Variants in GRID2 observed in about 807,000 individuals in gnomAD.
The protein encoded by GRID2 is glutamate receptor ionotropic, delta-2.
A neutral mutation model predicts 114.8 loss-of-function variants in GRID2; 33 were observed. That is an observed-to-expected ratio of 0.29 (90% CI 0.22 to 0.38). The LOEUF (loss-of-function observed/expected upper bound fraction) is 0.38. GRID2 is among the 10% of genes least tolerant of loss of function. The pLI, the probability that GRID2 is intolerant of heterozygous loss-of-function variation, is 1.00. For missense variants in GRID2, 1,184 were observed against 1,257.7 expected (o/e 0.94, Z 0.89); for synonymous variants, 505 against 449.9 (o/e 1.12, Z -1.55).
intron 12 of GRID2, among the ~76,000 whole-genome samples, chr4:93,493,926 T>C (rs902677686): frequency 2.6e-5 from 4 of 151,822 alleles, no homozygotes; most frequent in African/African-American, 9.7e-5. Flanking sequence ...CTTGTAATAT[T>C]ATCACTGGAC....
intron 2 of GRID2, among the ~76,000 whole-genome samples, chr4:92,659,427 A>G (rs1732411802): frequency 6.6e-6 from 1 of 151,526 alleles, no homozygotes; most frequent in Non-Finnish European, 1.5e-5. Context: ...GGGAATCAAC[A>G]CAAACTGATC....
chr4:92,316,112 C>T (rs1725967458), intron 1 of GRID2, among the ~76,000 whole-genome samples: 1 of 150,658 alleles, frequency 6.6e-6, no homozygotes, highest in South Asian at 2.1e-4. Context: ...TGCAATCTGA[C>T]AACCAACAAA....
chr4:93,520,458 G>A (rs1730222163), intron 13 of GRID2, among the ~76,000 whole-genome samples: 1 of 152,124 alleles, frequency 6.6e-6, no homozygotes, highest in South Asian at 2.1e-4. Flanking sequence ...GGTGAACCAT[G>A]CATATAGTTT....
intron 2 of GRID2, among the ~76,000 whole-genome samples, chr4:92,929,369 C>A (rs1335407206): frequency 1.3e-5 from 2 of 150,768 alleles, no homozygotes; most frequent in Admixed American, 1.3e-4. Flanking sequence ...TTATATAACA[C>A]CTATATTTTG....
Position 93,375,214 on chromosome 4 carries a change from C to T in GRID2, c.1246-20393C>T, listed in dbSNP as rs1384480509. Among the ~76,000 whole-genome samples the T allele has an allele frequency of 4.4e-5, 6 of 135,316 alleles. No homozygotes were observed. In the Admixed American group the frequency reaches 4.5e-4, roughly 10 times the overall value. 88.8% of individuals were successfully genotyped at this position (135,316 alleles called of 152,430 possible). On this transcript the variant is annotated intron_variant, in intron 8 of 15. Transcript: ENST00000282020. Reference sequence around the variant, plus strand: ...TCCATGGGAGTTTTTCTTTTTTTCCCTTTTTTTTTTTTTTTTTGAGACAGA... The same window carrying T: ...TCCATGGGAGTTTTTCTTTTTTTCCTTTTTTTTTTTTTTTTTTGAGACAGA...
chr4:93,085,346 C>G, intron 3 of GRID2, 67 bp downstream of exon 3: 1 of 1,261,414 alleles, frequency 7.9e-7, no homozygotes, highest in South Asian at 1.3e-5. Context: ...TTCATTAAAT[C>G]TTAAAAGTTT....
chr4:93,080,887 T>C (rs953691482), intron 2 of GRID2, among the ~76,000 whole-genome samples: 1 of 152,184 alleles, frequency 6.6e-6, no homozygotes, highest in African/African-American at 2.4e-5. Context: ...GAAGGTCTTC[T>C]TGCTTGCTGT....
At chr4:93,409,632 C>G (rs959059027) in intron 9 of GRID2, among the ~76,000 whole-genome samples, 4 of 152,138 alleles carry the variant, frequency 2.6e-5, no homozygotes, top group Non-Finnish European at 4.4e-5. Context: ...TTGACACGAC[C>G]ATGTCAAAGA....
intron 2 of GRID2, among the ~76,000 whole-genome samples, chr4:92,987,932 G>A (rs941150930): frequency 6.6e-6 from 1 of 152,062 alleles, no homozygotes; most frequent in Non-Finnish European, 1.5e-5. Context: ...TGAGATGTTT[G>A]AGGGATTTCA....
At chr4:92,545,536 T>C (rs1726203083) in intron 1 of GRID2, among the ~76,000 whole-genome samples, 1 of 152,190 alleles carries the variant, frequency 6.6e-6, no homozygotes, top group South Asian at 2.1e-4. Flanking sequence ...AATGAGAAAA[T>C]GTTGCCTGAA....
chr4:93,591,460 G>A (rs375565693), intron 13 of GRID2, among the ~76,000 whole-genome samples: 22,639 of 151,854 alleles, frequency 0.15, 2,182 homozygotes, highest in Middle Eastern at 0.3. Flanking sequence ...CGGTTTGCCA[G>A]TATTTTATTG....
At chr4:92,679,057 A>G (rs905146304) in intron 2 of GRID2, among the ~76,000 whole-genome samples, 2 of 151,768 alleles carry the variant, frequency 1.3e-5, no homozygotes, top group African/African-American at 4.8e-5. Flanking sequence ...GCAGAAATAA[A>G]TGTGATCAGT....
intron 13 of GRID2, among the ~76,000 whole-genome samples, chr4:93,543,388 A>G (rs2149530536): frequency 6.6e-6 from 1 of 152,328 alleles, no homozygotes; most frequent in East Asian, 1.9e-4. Context: ...AGTAAACATT[A>G]GTAAACTTTG....
At chr4:92,896,736 CA>C (rs1480096557) in intron 2 of GRID2, among the ~76,000 whole-genome samples, 9 of 152,074 alleles carry the variant, frequency 5.9e-5, no homozygotes, top group Admixed American at 4.6e-4. Flanking sequence ...CAGACAAACC[CA>C]GGTTTTGTTT....
chr4:92,967,929 A>G (rs1753264473), intron 2 of GRID2, among the ~76,000 whole-genome samples: 1 of 151,898 alleles, frequency 6.6e-6, no homozygotes, highest in Non-Finnish European at 1.5e-5. Context: ...TATCTCTATT[A>G]GCATTCTATC....
At chr4:92,972,922 G>A (rs547376876) in intron 2 of GRID2, among the ~76,000 whole-genome samples, 2 of 152,176 alleles carry the variant, frequency 1.3e-5, no homozygotes, top group South Asian at 2.1e-4. Context: ...CTATGTCCCT[G>A]CAAAGGAAAT....
chr4:92,671,897 A>T (rs1170506040), intron 2 of GRID2, among the ~76,000 whole-genome samples: 2 of 152,112 alleles, frequency 1.3e-5, no homozygotes, highest in Non-Finnish European at 2.9e-5. Flanking sequence ...CCTTTCCTTG[A>T]ATGTATCAAA....
chr4:93,180,693 T>C (rs537277551), intron 4 of GRID2, among the ~76,000 whole-genome samples: 1 of 152,272 alleles, frequency 6.6e-6, no homozygotes, highest in East Asian at 1.9e-4. Flanking sequence ...TTAGCAATGT[T>C]CCCAGCATCT....
chr4:92,625,099 A>G (rs1027695777), intron 2 of GRID2, among the ~76,000 whole-genome samples: 1 of 151,750 alleles, frequency 6.6e-6, no homozygotes, highest in Admixed American at 6.6e-5. Flanking sequence ...TGTTCCTGCC[A>G]TCATTTAGGA....
Sources: gnomAD v4.1 joint callset for allele counts (sites outside exome capture counted in the v4.1 genomes callset) on GRCh38, gnomAD v4.1.1 for gene constraint, MANE v1.5 for transcripts, NCBI Gene and HGNC (gene_info 2026-07-23, HGNC 2026-07-21) for gene names.